CCDC146: variants seen among roughly 807,000 people sequenced by gnomAD.
CCDC146 encodes coiled-coil domain-containing protein 146.
Under a neutral mutation model 119.3 loss-of-function variants are expected in CCDC146, and 92 were observed. That is an observed-to-expected ratio of 0.77 (90% CI 0.65 to 0.92). The LOEUF (loss-of-function observed/expected upper bound fraction) is 0.92. CCDC146 is among the 40% of genes least tolerant of loss of function. The pLI is 0.00. For missense variants in CCDC146, 1,000 were observed against 1,103.0 expected, an observed-to-expected ratio of 0.91 and a Z score of 1.32; for synonymous variants, 372 against 371.8, an observed-to-expected ratio of 1.00 and a Z score of -0.01.
chr7:77,187,718 A>ATGCACCACAGTGCACCAATAG (rs1380972228), intron 2 of CCDC146, among the ~76,000 whole-genome samples: 1 of 152,244 alleles, frequency 6.6e-6, no homozygotes, highest in Non-Finnish European at 1.5e-5. Context: ...CAGGGAGACT[A>ATGCACCACAGTGCACCAATAG]TCACTATGAC....
intron 3 of CCDC146, 83 bp downstream of exon 3, chr7:77,237,112 C>T (rs1332165567): frequency 8.9e-7 from 1 of 1,119,914 alleles, no homozygotes; most frequent in African/African-American, 1.5e-5. Context: ...ATTTGCATTC[C>T]CCCATAAGCA....
chr7:77,271,523 T>G (rs1194434445), intron 9 of CCDC146, among the ~76,000 whole-genome samples: 24 of 1,144 alleles, frequency 0.021, no homozygotes, highest in African/African-American at 0.03. Flanking sequence ...GATATATATA[T>G]ATATATATAT....
chr7:77,183,759 C>T (rs1159273316), intron 2 of CCDC146, among the ~76,000 whole-genome samples: 2 of 152,166 alleles, frequency 1.3e-5, no homozygotes, highest in Non-Finnish European at 2.9e-5. Context: ...ATTTTCTTTC[C>T]TGTTTTTCCA....
chr7:77,248,364 C>T (rs890353160), intron 4 of CCDC146, among the ~76,000 whole-genome samples: 8 of 152,206 alleles, frequency 5.3e-5, no homozygotes, highest in East Asian at 1.9e-4. Flanking sequence ...AAAGCCCTGA[C>T]GTCACCACAC....
rs984083913 is a variant in CCDC146, at chr7:77,196,102, A to T, written c.156+28278A>T. 2.1e-5 allele frequency: 12 copies of T among 565,472 alleles called. No individual in the cohort carries two copies. Among genetic ancestry groups the T allele is most frequent in the Non-Finnish European group, 3.4e-5 (11 of 321,620 alleles). The allele number at this position is 565,472 out of a possible 1,614,324, so 35.0% of individuals were successfully genotyped here. A position where few individuals can be genotyped will look rare whatever the true frequency, so the allele number is the denominator to read the frequency against. On this transcript the variant is annotated intron_variant, in intron 2 of 18. Coordinates refer to ENST00000285871, the MANE Select transcript of CCDC146 (RefSeq NM_020879.3). This position sits in a 1 kb window ranked among gnomAD's most constrained non-coding sequence, Gnocchi z 4.2. ...TTGGATAACAGCATAACAACAAAGG[A>T]CTCCTTTAAAATGCATTGTTTTTCA...
In CCDC146 at chr7:77,274,582, A is replaced by C. The variant is rs1168304964; in HGVS notation, c.1370A>C (p.Asn457Thr). The C allele has an allele frequency of 3.1e-6, 5 of 1,613,492 alleles. No individual in the cohort carries two copies. The highest frequency in any genetic ancestry group is 1.3e-5 in the African/African-American group (1 of 74,890). The part of the protein sequence containing the change: ...EQENMKELVV[N>T]LLRMTQIKID... ...GAAAACATGAAAGAGCTAGTAGTCAACCTTCTCCGCATGACTCAAATCAAA... is the reference window on the plus strand; with the variant it reads ...GAAAACATGAAAGAGCTAGTAGTCACCCTTCTCCGCATGACTCAAATCAAA... The change falls in exon 11 of 19, where the codon AAC (asparagine) becomes ACC (threonine). Residue 457 changes from asparagine (N) to threonine (T), a missense_variant. Asn to Thr is a moderately conservative substitution (Grantham distance 65). This residue lies in a region of CCDC146 where 985 missense variants were observed against 1,045.3 expected (regional missense o/e 0.94). Coordinates refer to ENST00000285871, the MANE Select transcript of CCDC146 (RefSeq NM_020879.3).
rs948333462 is a variant in CCDC146, at chr7:77,209,991, C to T, written c.157-26956C>T. On this transcript the variant is annotated intron_variant, in intron 2 of 18. Coordinates refer to ENST00000285871, the MANE Select transcript of CCDC146 (RefSeq NM_020879.3). ...CCAGGCCTGTGATGAGAGGGGCTGC[C>T]GTGAAGATCTGTAAAATGCCCTTGG... 2.6e-5 allele frequency among the ~76,000 whole-genome samples: 4 copies of T among 152,190 alleles called. No individual in the cohort carries two copies. The East Asian group carries it at 5.8e-4, about 22-fold the overall frequency.
chr7:77,239,993 A>G (rs540147457), intron 3 of CCDC146, among the ~76,000 whole-genome samples: 95 of 152,334 alleles, frequency 6.2e-4, no homozygotes, highest in African/African-American at 2.2e-3. Flanking sequence ...AAATTTATTT[A>G]TATTCATAAT....
At chr7:77,131,849 C>T (rs1461811084) in intron 1 of CCDC146, among the ~76,000 whole-genome samples, 1 of 152,086 alleles carries the variant, frequency 6.6e-6, no homozygotes, top group African/African-American at 2.4e-5. Context: ...TAAATAAAAA[C>T]GATAGGGAGC....
chr7:77,283,769 G>A (rs1793803076), intron 15 of CCDC146, among the ~76,000 whole-genome samples: 1 of 151,964 alleles, frequency 6.6e-6, no homozygotes, highest in African/African-American at 2.4e-5. Flanking sequence ...GGGATTCATA[G>A]GATTTCATGG....
chr7:77,182,250 T>A (rs1320431119), intron 2 of CCDC146, among the ~76,000 whole-genome samples: 6 of 152,124 alleles, frequency 3.9e-5, no homozygotes, highest in African/African-American at 1.4e-4. Context: ...AAAACCCTGA[T>A]CATTGGGTGG....
chr7:77,232,130 T>C (rs1792642814), intron 2 of CCDC146, among the ~76,000 whole-genome samples: 1 of 152,228 alleles, frequency 6.6e-6, no homozygotes, highest in South Asian at 2.1e-4. Context: ...TTTTTGTTTT[T>C]AAACTTGAAT....
At chr7:77,165,090 C>G (rs976023796) in intron 1 of CCDC146, among the ~76,000 whole-genome samples, 2 of 152,238 alleles carry the variant, frequency 1.3e-5, no homozygotes, top group Admixed American at 1.3e-4. Context: ...TTTACCTGCT[C>G]TCTCTCCAGA....
At chr7:77,162,548 T>C (rs1007592274) in intron 1 of CCDC146, among the ~76,000 whole-genome samples, 23 of 152,234 alleles carry the variant, frequency 1.5e-4, no homozygotes, top group African/African-American at 5.3e-4. Flanking sequence ...AACTTTGTGC[T>C]ACAATTTGAA....
chr7:77,137,435 C>T lies in CCDC146; in HGVS notation c.-12+14703C>T, dbSNP rs534648650. Among the ~76,000 whole-genome samples the T allele has an allele frequency of 9.7e-5, 14 of 144,866 alleles. No homozygotes were observed. The East Asian group carries it at 1.7e-3, about 18-fold the overall frequency. On this transcript the variant is annotated intron_variant, in intron 1 of 18. Transcript: ENST00000285871. The stretch of plus-strand genomic sequence containing the variant: ...GTAGGATGTAAGTTTATTTTGCAAA[C>T]GTCAGTCACTTTCCTACGCAGCAGC...
Position 77,273,754 on chromosome 7 carries a change from G to A in CCDC146, c.1234G>A (p.Glu412Lys). ...LSERRRELHK[E>K]VEVAKRNLAQ... ...TGAGAGAAGGCGAGAGCTTCACAAGGAAGTTGAAGTAGCTAAGAGGAATTT... is the reference window on the plus strand; with the variant it reads ...TGAGAGAAGGCGAGAGCTTCACAAGAAAGTTGAAGTAGCTAAGAGGAATTT... The change falls in exon 10 of 19, where the codon GAA becomes AAA. Residue 412 changes from glutamate to lysine, a missense_variant. Transcript: ENST00000285871. 6.2e-7 allele frequency: 1 copy of A among 1,610,792 alleles called. No individual in the cohort carries two copies. The highest frequency in any genetic ancestry group is 8.5e-7 in the Non-Finnish European group (1 of 1,177,828).
In CCDC146 at chr7:77,256,327, T is replaced by G. The variant is rs1214679121; in HGVS notation, c.508-6T>G. On this transcript the variant is annotated splice_polypyrimidine_tract_variant and splice_region_variant and intron_variant, in intron 5 of 18. Coordinates refer to ENST00000285871, the MANE Select transcript of CCDC146 (RefSeq NM_020879.3). ...TATAACCTAATCATCTTCACGACTT[T>G]TAAAGGAAATGGAGAAGAAGATGAA... The G allele has an allele frequency of 1.3e-6, 2 of 1,582,948 alleles. No homozygotes were observed. Among genetic ancestry groups the G allele is most frequent in the Admixed American group, 1.9e-5 (1 of 51,578 alleles).
intron 1 of CCDC146, among the ~76,000 whole-genome samples, chr7:77,139,519 A>G (rs1306457709): frequency 3.3e-5 from 5 of 152,234 alleles, no homozygotes; most frequent in Non-Finnish European, 5.9e-5. Flanking sequence ...GATGGACTCT[A>G]GGTGATTATG....
intron 1 of CCDC146, among the ~76,000 whole-genome samples, chr7:77,138,576 G>T (rs1790891506): frequency 6.6e-6 from 1 of 152,120 alleles, no homozygotes; most frequent in Non-Finnish European, 1.5e-5. Context: ...GAAAGACAAT[G>T]TCAAAAAAAT....
Sources: gnomAD v4.1 joint callset for allele counts (sites outside exome capture counted in the v4.1 genomes callset) on GRCh38, gnomAD v4.1.1 for gene constraint, gnomAD v4.1.1 regional missense constraint, Gnocchi (gnomAD v3.1) non-coding constraint, MANE v1.5 for transcripts, NCBI Gene and HGNC (gene_info 2026-07-23, HGNC 2026-07-21) for gene names.